Variants in TEX9 observed in about 807,000 individuals in gnomAD.
TEX9 encodes testis expressed 9.
Under a neutral mutation model 59.6 loss-of-function variants are expected in TEX9, and 74 were observed. The observed-to-expected ratio is 1.24, with a 90% CI of 1.03 to 1.51. The LOEUF (loss-of-function observed/expected upper bound fraction) is 1.51. Among genes scored for constraint, TEX9 ranks in the 40% most tolerant of loss-of-function variants. TEX9 has a pLI of 0.00. For missense variants in TEX9, 522 were observed against 447.8 expected (o/e 1.17, Z -1.49); for synonymous variants, 186 against 152.2 (o/e 1.22, Z -1.64).
At chr15:56,401,433 G>C (rs1447962095) in intron 9 of TEX9, among the ~76,000 whole-genome samples, 3 of 149,272 alleles carry the variant, frequency 2.0e-5, no homozygotes, top group South Asian at 4.3e-4. Context: ...AATTCAACAA[G>C]AAGAGCTAAC....
chr15:56,402,256 G>A (rs879949305), intron 9 of TEX9, among the ~76,000 whole-genome samples: 1 of 152,000 alleles, frequency 6.6e-6, no homozygotes, highest in Non-Finnish European at 1.5e-5. Context: ...TAATAAAGAA[G>A]AAAATAGAGA....
At chr15:56,312,268 A>G (rs1432079847) in intron 1 of TEX9, among the ~76,000 whole-genome samples, 1 of 139,058 alleles carries the variant, frequency 7.2e-6, no homozygotes, top group Non-Finnish European at 1.6e-5. Flanking sequence ...TAGGGTTTTT[A>G]CGGTTTTAGG....
At chr15:56,309,841 G>A (rs1156944155) in intron 1 of TEX9, among the ~76,000 whole-genome samples, 1 of 151,512 alleles carries the variant, frequency 6.6e-6, no homozygotes, top group African/African-American at 2.4e-5. Context: ...GAGAGTGGGA[G>A]GGGAAATAGT....
chr15:56,446,954 A>T (rs1423213983), downstream of TEX9: 2 of 1,573,126 alleles, frequency 1.3e-6, no homozygotes, highest in South Asian at 1.1e-5. Context: ...CTGTTTAAAA[A>T]AACAAAAACA....
chr15:56,313,488 A>C (rs1408445878), intron 1 of TEX9, among the ~76,000 whole-genome samples: 5 of 146,670 alleles, frequency 3.4e-5, no homozygotes, highest in African/African-American at 9.9e-5. Context: ...CTTGCATCCC[A>C]GGGCTGAAGC....
intron 1 of TEX9, among the ~76,000 whole-genome samples, chr15:56,269,191 G>A (rs1016622062): frequency 4.6e-5 from 7 of 152,022 alleles, no homozygotes; most frequent in African/African-American, 1.5e-4. Context: ...ATTTTTTATT[G>A]CATCTATTTG....
intron 1 of TEX9, among the ~76,000 whole-genome samples, chr15:56,303,547 A>G (rs2045409813): frequency 6.6e-6 from 1 of 152,164 alleles, no homozygotes; most frequent in Non-Finnish European, 1.5e-5. Context: ...AATACGTACT[A>G]AGACCAAAAT....
At chr15:56,450,112 G>C (rs16976915), downstream of TEX9, among the ~76,000 whole-genome samples, 1,270 of 152,158 alleles carry the variant, frequency 8.3e-3, 19 homozygotes, top group African/African-American at 0.029. Flanking sequence ...AAGAGAATTT[G>C]CAGTTTGTTT....
At chr15:56,437,835 G>C (rs1394473147) in intron 12 of TEX9, among the ~76,000 whole-genome samples, 4 of 152,142 alleles carry the variant, frequency 2.6e-5, no homozygotes, top group South Asian at 2.1e-4. Flanking sequence ...GACAGACAGA[G>C]AGCCAAATCA....
At chr15:56,311,414 A>T (rs2045612934) in intron 1 of TEX9, among the ~76,000 whole-genome samples, 1 of 135,908 alleles carries the variant, frequency 7.4e-6, no homozygotes, top group Admixed American at 7.7e-5. Context: ...TGTTCTTGCG[A>T]TAGTTTACTG....
chr15:56,245,187 G>A (rs780335888), intron 1 of TEX9, among the ~76,000 whole-genome samples: 4 of 152,156 alleles, frequency 2.6e-5, no homozygotes, highest in South Asian at 2.1e-4. Context: ...TGGCCTTTGA[G>A]TTCTCAGTTC....
At chr15:56,410,221 A>G (rs1338401038) in intron 9 of TEX9, 2 of 152,160 alleles carry the variant, frequency 1.3e-5, no homozygotes, top group African/African-American at 4.8e-5. Flanking sequence ...TTCTGAAACC[A>G]TATCTGATTA....
intron 10 of TEX9, among the ~76,000 whole-genome samples, chr15:56,423,844 T>C (rs1170534258): frequency 1.3e-5 from 2 of 152,174 alleles, no homozygotes; most frequent in Non-Finnish European, 2.9e-5. Flanking sequence ...TTAGTGGTGA[T>C]TTCTGAGATT....
At chr15:56,320,962 G>A (rs1355678691) in intron 1 of TEX9, among the ~76,000 whole-genome samples, 2 of 152,262 alleles carry the variant, frequency 1.3e-5, no homozygotes, top group Non-Finnish European at 2.9e-5. Context: ...CCTAAGCCAC[G>A]TTGTGAATCA....
intron 12 of TEX9, chr15:56,443,486 C>T: frequency 6.2e-7 from 1 of 1,600,296 alleles, no homozygotes; most frequent in Non-Finnish European, 8.5e-7. Flanking sequence ...TCTTGTCGCA[C>T]TTGTTCCAAA....
chr15:56,260,814 G>A (rs2044249043), intron 1 of TEX9, among the ~76,000 whole-genome samples: 1 of 151,902 alleles, frequency 6.6e-6, no homozygotes, highest in Non-Finnish European at 1.5e-5. Context: ...GGTTATGTAG[G>A]ATTGATATAT....
chr15:56,330,008 A>T (rs764086325), intron 1 of TEX9, among the ~76,000 whole-genome samples: 1 of 151,960 alleles, frequency 6.6e-6, no homozygotes, highest in Non-Finnish European at 1.5e-5. Flanking sequence ...TAAAGAAAGG[A>T]TCCTAAAAGG....
chr15:56,387,843 T>C (rs779808972), intron 4 of TEX9, among the ~76,000 whole-genome samples: 3 of 151,956 alleles, frequency 2.0e-5, no homozygotes, highest in Non-Finnish European at 4.4e-5. Flanking sequence ...ATTCAGCCTG[T>C]GGGCCATAGT....
chr15:56,377,949 A>G (rs994875165), intron 3 of TEX9, among the ~76,000 whole-genome samples: 1 of 152,112 alleles, frequency 6.6e-6, no homozygotes, highest in Non-Finnish European at 1.5e-5. Flanking sequence ...ACTTTATCAA[A>G]TGCTTTTCCA....
Sources: allele counts gnomAD v4.1 joint callset (sites outside exome capture counted in the v4.1 genomes callset), GRCh38; gene constraint gnomAD v4.1.1; transcripts MANE v1.5; gene names NCBI Gene and HGNC (gene_info 2026-07-23, HGNC 2026-07-21).